Variants in CEACAM3 observed in about 807,000 individuals in gnomAD.
The protein encoded by CEACAM3 is CEA cell adhesion molecule 3.
A neutral mutation model predicts 30.1 loss-of-function variants in CEACAM3; 32 were observed. That is an observed-to-expected ratio of 1.06 (90% CI 0.80 to 1.43). The LOEUF (loss-of-function observed/expected upper bound fraction) is 1.43. CEACAM3 is among the 40% of genes most tolerant of loss of function. The pLI is 0.00. For missense variants in CEACAM3, 290 were observed against 316.3 expected, an observed-to-expected ratio of 0.92 and a Z score of 0.63; for synonymous variants, 134 against 127.2, an observed-to-expected ratio of 1.05 and a Z score of -0.36.
In CEACAM3 at chr19:41,800,944, G is replaced by A. The variant is rs542662158; in HGVS notation, c.424+2996G>A. On this transcript the variant is annotated intron_variant, in intron 2 of 6. Transcript: ENST00000357396. ...TGTGTCTTCATTTCTACACTCTCTC[G>A]TCTCCGCACATGGGGAGAGACCCAC... Among the ~76,000 whole-genome samples, 63 of 151,870 alleles carry A rather than the reference G, an allele frequency of 4.1e-4. 1 individual carries two copies. The highest frequency in any genetic ancestry group is 1.2e-3 in the African/African-American group (51 of 41,354).
At chr19:41,809,004 T>A in intron 3 of CEACAM3, 74 bp downstream of exon 3, 1 of 1,113,222 alleles carries the variant, frequency 9.0e-7, no homozygotes, top group Non-Finnish European at 1.3e-6. Flanking sequence ...GACCTTGTCC[T>A]GTATTCAGGG....
chr19:41,802,883 C>A (rs1158039911), intron 2 of CEACAM3, among the ~76,000 whole-genome samples: 1 of 152,054 alleles, frequency 6.6e-6, no homozygotes, highest in African/African-American at 2.4e-5. Flanking sequence ...CCTAAGGGGG[C>A]AAAAATACAG....
intron 2 of CEACAM3, 60 bp downstream of exon 2, chr19:41,798,008 A>G: frequency 6.4e-7 from 1 of 1,557,014 alleles, no homozygotes; most frequent in East Asian, 2.2e-5. Flanking sequence ...CACATATGGG[A>G]TTGTCAGGCC....
chr19:41,803,805 C>T (rs1174579916), intron 2 of CEACAM3, among the ~76,000 whole-genome samples: 2 of 131,850 alleles, frequency 1.5e-5, no homozygotes, highest in East Asian at 2.2e-4. Flanking sequence ...AAAGGCCGGG[C>T]GTGGTTGTTC....
intron 2 of CEACAM3, among the ~76,000 whole-genome samples, chr19:41,806,895 G>C (rs1555826824): frequency 1.3e-5 from 2 of 152,160 alleles, no homozygotes; most frequent in South Asian, 2.1e-4. Flanking sequence ...CACCGTGTTA[G>C]CCAGGATGGT....
At chr19:41,802,636 C>T (rs1555826134) in intron 2 of CEACAM3, among the ~76,000 whole-genome samples, 1 of 152,186 alleles carries the variant, frequency 6.6e-6, no homozygotes, top group Non-Finnish European at 1.5e-5. Flanking sequence ...AGTCTTAACT[C>T]CTAGAGCTAC....
At chr19:41,809,067 C>T (rs1232535366) in intron 3 of CEACAM3, 137 bp downstream of exon 3, 17 of 636,898 alleles carry the variant, frequency 2.7e-5, no homozygotes, top group South Asian at 6.9e-5. Context: ...TCTTATTCCA[C>T]GGCTCCTCCC....
At chr19:41,802,873 C>T (rs571072411) in intron 2 of CEACAM3, among the ~76,000 whole-genome samples, 1 of 152,262 alleles carries the variant, frequency 6.6e-6, no homozygotes, top group South Asian at 2.1e-4. Flanking sequence ...TCATGTCCCA[C>T]CTAAGGGGGC....
In CEACAM3 at chr19:41,810,859, C is replaced by G. The variant is rs782388386; in HGVS notation, c.655C>G (p.Pro219Ala). 1 of 1,613,544 alleles carries G rather than the reference C, an allele frequency of 6.2e-7. No homozygotes were observed. The highest frequency in any genetic ancestry group is 1.1e-5 in the South Asian group (1 of 91,054). ...SMSPLSTAQA[P>A]LPNPRTAASI... ...GTCCCCTCTCTCCACTGCCCAGGCC[C>G]CCCTACCCAACCCCAGGACAGCAGC... Residue 219 changes from proline (P) to alanine (A), a missense_variant, in exon 6 of 7, where the codon CCC becomes GCC. Pro to Ala is a conservative substitution (Grantham distance 27). Transcript: ENST00000357396.
At chr19:41,804,317 G>A (rs75369233) in intron 2 of CEACAM3, among the ~76,000 whole-genome samples, 1 of 152,086 alleles carries the variant, frequency 6.6e-6, no homozygotes, top group Non-Finnish European at 1.5e-5. Flanking sequence ...CATAAGATGG[G>A]GTCTTCGGGT....
In CEACAM3 at chr19:41,808,854, A is replaced by C. The variant is rs782553988; in HGVS notation, c.466A>C (p.Ile156Leu). 194 of 1,611,672 alleles carry C rather than the reference A, an allele frequency of 1.2e-4. No individual in the cohort carries two copies. Among genetic ancestry groups the C allele is most frequent in the Non-Finnish European group, 1.6e-4 (187 of 1,178,814 alleles). The part of the protein sequence containing the change: ...PGLPVGAVAG[I>L]VTGVLVGVAL... ...CCTTCCTGTGGGGGCCGTCGCCGGC[A>C]TCGTGACCGGGGTCCTGGTCGGAGT... is the stretch of plus-strand genomic sequence containing the variant. Residue 156 changes from isoleucine to leucine, a missense_variant, in exon 3 of 7, where the codon ATC becomes CTC. Ile to Leu is a conservative substitution (Grantham distance 5). Transcript: ENST00000357396.
chr19:41,797,487 C>T, intron 1 of CEACAM3, 102 bp from the exon 2 acceptor site: 1 of 1,461,222 alleles, frequency 6.8e-7, no homozygotes, highest in Non-Finnish European at 9.3e-7. Context: ...CACATACACT[C>T]TCCAAGGCTG....
intron 2 of CEACAM3, among the ~76,000 whole-genome samples, chr19:41,800,826 G>A (rs186790329): frequency 2.7e-4 from 41 of 152,186 alleles, no homozygotes; most frequent in Non-Finnish European, 5.0e-4. Flanking sequence ...AAATAACAGC[G>A]CAGTCAGACA....
At chr19:41,808,343 C>T (rs911022253) in intron 2 of CEACAM3, among the ~76,000 whole-genome samples, 3 of 152,240 alleles carry the variant, frequency 2.0e-5, no homozygotes, top group Admixed American at 2.0e-4. Flanking sequence ...GTGATGCCCC[C>T]TCTCCCTCAA....
rs2073213129 is a variant in CEACAM3 at position 41,807,534 on chromosome 19, C to A, written c.425-1279C>A. 4.4e-6 allele frequency: 6 copies of A among 1,358,260 alleles called. 1 individual carries two copies. The African/African-American group carries it at 7.3e-5, about 17-fold the overall frequency. The allele number at this position is 1,358,260 out of a possible 1,614,324, so 84.1% of individuals were successfully genotyped here. On this transcript the variant is annotated intron_variant, in intron 2 of 6. Transcript: ENST00000357396. The stretch of plus-strand genomic sequence containing the variant: ...CCTGTCCCAAGCAAACCTGGGCAGA[C>A]CCAGCCTTGACCAAGAATAGGAGGG...
Position 41,797,949 on chromosome 19 carries a change from G to A in CEACAM3, c.424+1G>A, listed in dbSNP as rs781898698. On this transcript the variant is annotated splice_donor_variant, in intron 2 of 6. Coordinates refer to ENST00000357396, the MANE Select transcript of CEACAM3 (RefSeq NM_001815.5). LOFTEE classifies it high-confidence loss of function. ...GCAACTGGACAGTTCCATGTATACCGTGAGTATTTCCACATGACCTCTGGG... is the reference window on the plus strand; with the variant it reads ...GCAACTGGACAGTTCCATGTATACCATGAGTATTTCCACATGACCTCTGGG... 22 of 1,593,214 alleles carry A rather than the reference G, an allele frequency of 1.4e-5. No individual in the cohort carries two copies. The South Asian group carries it at 1.6e-4, about 12-fold the overall frequency.
intron 2 of CEACAM3, among the ~76,000 whole-genome samples, chr19:41,804,949 A>T (rs1484928056): frequency 6.6e-6 from 1 of 152,170 alleles, no homozygotes; most frequent in African/African-American, 2.4e-5. Context: ...CAAAAATCCA[A>T]AATACAAAAT....
Position 41,811,295 on chromosome 19 carries a change from G to T in CEACAM3, c.*58G>T. The T allele has an allele frequency of 7.0e-7, 1 of 1,429,144 alleles. No individual in the cohort carries two copies. The allele number at this position is 1,429,144 out of a possible 1,614,324, so 88.5% of individuals were successfully genotyped here. ...GAGAGTCCCCAAGGCCCCCAGCCCTGGGGATGGGGAAGGACATGAAGCCTG... is the reference window on the plus strand; with the variant it reads ...GAGAGTCCCCAAGGCCCCCAGCCCTTGGGATGGGGAAGGACATGAAGCCTG... On this transcript the variant is annotated 3_prime_UTR_variant, in exon 7 of 7. Transcript: ENST00000357396.
intron 2 of CEACAM3, chr19:41,806,979 A>G (rs2073206114): frequency 5.3e-6 from 8 of 1,502,772 alleles, no homozygotes; most frequent in Admixed American, 1.9e-5. Flanking sequence ...GAGCCACCGC[A>G]CCCGGCCTTG....
Sources: gnomAD v4.1 joint callset for allele counts (sites outside exome capture counted in the v4.1 genomes callset) on GRCh38, gnomAD v4.1.1 for gene constraint, MANE v1.5 for transcripts, NCBI Gene and HGNC (gene_info 2026-07-23, HGNC 2026-07-21) for gene names.